Variants in SYNRG observed in about 807,000 individuals in gnomAD.
SYNRG encodes AP1 gamma subunit binding protein 1.
A neutral mutation model predicts 130.9 loss-of-function variants in SYNRG; 37 were observed. That is an observed-to-expected ratio of 0.28 (90% CI 0.22 to 0.37). The LOEUF (loss-of-function observed/expected upper bound fraction) is 0.37. SYNRG is among the 10% of genes least tolerant of loss of function. The pLI is 1.00. For synonymous variants in SYNRG, 539 were observed against 568.1 expected (o/e 0.95, Z 0.73); for missense variants, 1,338 against 1,588.9 (o/e 0.84, Z 2.68).
intron 7 of SYNRG, among the ~76,000 whole-genome samples, chr17:37,576,945 T>C (rs1188150922): frequency 2.0e-5 from 3 of 152,184 alleles, no homozygotes; most frequent in Admixed American, 6.5e-5. Context: ...TTTCTGAGGG[T>C]TGAATTTATA....
At chr17:37,528,430 C>T (rs1015947903) in intron 19 of SYNRG, among the ~76,000 whole-genome samples, 2 of 151,908 alleles carry the variant, frequency 1.3e-5, no homozygotes, top group African/African-American at 2.4e-5. Flanking sequence ...GCCCTAGGTG[C>T]AAAATATTAA....
intron 8 of SYNRG, among the ~76,000 whole-genome samples, chr17:37,575,580 C>A (rs939556327): frequency 7.3e-5 from 11 of 151,622 alleles, no homozygotes; most frequent in African/African-American, 2.7e-4. Context: ...GTGGCTCACA[C>A]CTGTAATCCC....
intron 19 of SYNRG, chr17:37,529,695 A>G: frequency 4.7e-6 from 6 of 1,290,168 alleles, no homozygotes; most frequent in Non-Finnish European, 6.5e-6. Flanking sequence ...CTCAAGAAGT[A>G]AACGCACAGC....
intron 3 of SYNRG, among the ~76,000 whole-genome samples, chr17:37,588,239 T>C (rs2146568060): frequency 6.6e-6 from 1 of 151,260 alleles, no homozygotes; most frequent in Non-Finnish European, 1.5e-5. Flanking sequence ...AGAAAAACAT[T>C]GAGGATTCAC....
In SYNRG at chr17:37,518,921, T is replaced by C; in HGVS notation, c.*19A>G. 1 of 1,601,400 alleles carries C rather than the reference T, an allele frequency of 6.2e-7. No individual in the cohort carries two copies. The highest frequency in any genetic ancestry group is 8.5e-7 in the Non-Finnish European group (1 of 1,175,662). ...GGTGTCACAGAAAAAAAAAAGTCAA[T>C]GCTTCACAGAGGAGTTGTTCAGAGC... On this transcript the variant is annotated 3_prime_UTR_variant, in exon 22 of 22. Coordinates refer to ENST00000612223, the MANE Select transcript of SYNRG (RefSeq NM_007247.6).
At chr17:37,577,939 A>C (rs968756962) in intron 6 of SYNRG, among the ~76,000 whole-genome samples, 1 of 151,038 alleles carries the variant, frequency 6.6e-6, no homozygotes, top group African/African-American at 2.4e-5. Context: ...ACCTGAGGTG[A>C]TCTACCCACC....
intron 13 of SYNRG, among the ~76,000 whole-genome samples, chr17:37,555,866 G>A (rs764059910): frequency 3.9e-5 from 6 of 151,952 alleles, no homozygotes; most frequent in African/African-American, 1.5e-4. Flanking sequence ...AGATCCCACC[G>A]CTGCACTCCA....
chr17:37,574,295 T>A (rs1321936968), intron 8 of SYNRG, among the ~76,000 whole-genome samples: 1 of 152,112 alleles, frequency 6.6e-6, no homozygotes, highest in Non-Finnish European at 1.5e-5. Context: ...CCAGAAACTA[T>A]GAAACTACTA....
At position 37,571,971 on chromosome 17, in the gene SYNRG, G is replaced by T; in HGVS notation, c.918C>A (p.Ile306=). The T allele has an allele frequency of 6.2e-7, 1 of 1,611,160 alleles. No individual in the cohort carries two copies. The highest frequency in any genetic ancestry group is 8.5e-7 in the Non-Finnish European group (1 of 1,179,154). The change falls in exon 9 of 22, where the codon ATC becomes ATA. Residue 306 remains isoleucine, a synonymous_variant. Coordinates refer to ENST00000612223, the MANE Select transcript of SYNRG (RefSeq NM_007247.6). The stretch of plus-strand genomic sequence containing the variant: ...CAGTTGGAGTCATTGTGGTTTCTAA[G>T]ATTTTCTTATAGGCATCTATTAAAG... The part of the protein sequence containing the change: ...ESLVPDAYKK[I]LETTMTPTGI...
rs1250275251 is a variant in SYNRG at position 37,529,873 on chromosome 17, G to C, written c.3666+6106C>G. On this transcript the variant is annotated intron_variant, in intron 19 of 21. Transcript: ENST00000612223. ...AGCACTAGGAGAGAAGAGATGGGTG[G>C]CTGATTTGGGGGTTGTATAGAAATC... 3.2e-6 allele frequency: 5 copies of C among 1,550,162 alleles called. No homozygotes were observed. In the Admixed American group the frequency reaches 7.9e-5, roughly 24 times the overall value.
chr17:37,597,572 TC>T (rs764263967), intron 2 of SYNRG, among the ~76,000 whole-genome samples: 8 of 152,220 alleles, frequency 5.3e-5, no homozygotes, highest in Non-Finnish European at 1.0e-4. Context: ...ATGTTATTCT[TC>T]TTCCTTTTTC....
At chr17:37,593,435 A>G (rs2062387495) in intron 3 of SYNRG, among the ~76,000 whole-genome samples, 1 of 151,984 alleles carries the variant, frequency 6.6e-6, no homozygotes, top group Non-Finnish European at 1.5e-5. Flanking sequence ...AAATTTTTTT[A>G]TGTTGACTTT....
At position 37,553,584 on chromosome 17, in the gene SYNRG, A is replaced by C; in HGVS notation, c.2139T>G (p.Asp713Glu). 6.2e-7 allele frequency: 1 copy of C among 1,614,186 alleles called. No individual in the cohort carries two copies. The highest frequency in any genetic ancestry group is 8.5e-7 in the Non-Finnish European group (1 of 1,180,026). The change falls in exon 14 of 22, where the codon GAT (aspartate) becomes GAG (glutamate). Residue 713 changes from aspartate (D) to glutamate (E), a missense_variant. Transcript: ENST00000612223. The stretch of plus-strand genomic sequence containing the variant: ...CAGGACTGGCTTCCTCTTTAAGGGC[A>C]TCATATTTGTCATCCGGCTTTTGCT... ...SSEQKPDDKY[D>E]ALKEEASPVP...
In SYNRG at chr17:37,520,182, T is replaced by C. The variant is rs1317104171; in HGVS notation, c.3810A>G (p.Lys1270=). 1 of 1,614,090 alleles carries C rather than the reference T, an allele frequency of 6.2e-7. No individual in the cohort carries two copies. The highest frequency in any genetic ancestry group is 8.5e-7 in the Non-Finnish European group (1 of 1,180,030). ...ATAAGGTGTAACTGGTTCATACTTT[T>C]TTAGGATGTTCTTCTGCAGGCTTCT... ...KEEKPAEEHP[K]KAFNSETDSF... is the part of the protein sequence containing the mutation. The change falls in exon 21 of 22, where the codon AAA becomes AAG. Residue 1270 remains lysine, a synonymous_variant. Coordinates refer to ENST00000612223, the MANE Select transcript of SYNRG (RefSeq NM_007247.6).
chr17:37,578,896 A>T (rs566226748), intron 6 of SYNRG, among the ~76,000 whole-genome samples: 33 of 152,350 alleles, frequency 2.2e-4, no homozygotes, highest in African/African-American at 7.5e-4. Flanking sequence ...TTTTAAAGTT[A>T]TAAGGCAGTT....
chr17:37,563,130 C>A (rs1281947552), intron 11 of SYNRG, among the ~76,000 whole-genome samples: 2 of 152,138 alleles, frequency 1.3e-5, no homozygotes, highest in African/African-American at 2.4e-5. Context: ...CATTCCAGTT[C>A]TTTCTCTGAA....
rs765621244 is a variant in SYNRG, at chr17:37,533,926, CTTTTTTTTTTTTTT to C, written c.3666+2039_3666+2052del. On this transcript the variant is annotated intron_variant, in intron 19 of 21. Coordinates refer to ENST00000612223, the MANE Select transcript of SYNRG (RefSeq NM_007247.6). The stretch of plus-strand genomic sequence containing the variant: ...AGGTTTCTAAACTTCATTTTCTTTT[CTTTTTTTTTTTTTT>C]TTTTTTTTTTTTGAGACAGAGTCTT... Among the ~76,000 whole-genome samples the C allele has an allele frequency of 1.0e-4, 6 of 57,810 alleles. 1 individual carries two copies. Among genetic ancestry groups the C allele is most frequent in the South Asian group, 1.2e-3 (2 of 1,614 alleles). The allele number at this position is 57,810 out of a possible 152,430, so 37.9% of individuals were successfully genotyped here.
intron 14 of SYNRG, among the ~76,000 whole-genome samples, chr17:37,546,636 T>C (rs771898701): frequency 1.3e-5 from 2 of 152,228 alleles, no homozygotes; most frequent in Non-Finnish European, 2.9e-5. Flanking sequence ...TGGCTGCTAC[T>C]ACAGGACACA....
rs1320605075 is a variant in SYNRG at position 37,518,667 on chromosome 17, C to T, written c.*273G>A. The T allele has an allele frequency of 2.6e-6, 1 of 391,816 alleles. No homozygotes were observed. The highest frequency in any genetic ancestry group is 4.6e-6 in the Non-Finnish European group (1 of 219,040). 24.3% of individuals were successfully genotyped at this position (391,816 alleles called of 1,614,324 possible). On this transcript the variant is annotated 3_prime_UTR_variant, in exon 22 of 22. Coordinates refer to ENST00000612223, the MANE Select transcript of SYNRG (RefSeq NM_007247.6). ...TTCAATACTGCAGCAGCAAGTTCTT[C>T]CTTAGATCAAGAAAGCCGTGGTCCG...
Sources: gnomAD v4.1 joint callset for allele counts (sites outside exome capture counted in the v4.1 genomes callset) on GRCh38, gnomAD v4.1.1 for gene constraint, MANE v1.5 for transcripts, NCBI Gene and HGNC (gene_info 2026-07-23, HGNC 2026-07-21) for gene names.